CSMD2: variants seen among roughly 807,000 people sequenced by gnomAD.
CSMD2 encodes CUB and sushi domain-containing protein 2.
Under a neutral mutation model 398.5 loss-of-function variants are expected in CSMD2, and 130 were observed. The observed-to-expected ratio is 0.33, with a 90% CI of 0.28 to 0.38. The LOEUF is 0.38. Ranked by LOEUF, CSMD2 falls within the 10% of genes least tolerant of loss-of-function variation. CSMD2 has a pLI of 1.00. For missense variants in CSMD2, 3,829 were observed against 4,764.9 expected (o/e 0.80, Z 5.78); for synonymous variants, 1,828 against 1,908.5 (o/e 0.96, Z 1.10).
At chr1:34,103,361 C>A (rs1006073632) in intron 1 of CSMD2, among the ~76,000 whole-genome samples, 1 of 137,670 alleles carries the variant, frequency 7.3e-6, no homozygotes, top group Admixed American at 8.1e-5. Flanking sequence ...TGCAGTGGTG[C>A]GATCTCGGCT....
chr1:33,974,882 A>G (rs1645903405), intron 3 of CSMD2, among the ~76,000 whole-genome samples: 1 of 152,242 alleles, frequency 6.6e-6, no homozygotes, highest in African/African-American at 2.4e-5. Context: ...GAGCAAACTC[A>G]GATGACTGCA....
chr1:33,711,710 A>T (rs1291682860), intron 21 of CSMD2, among the ~76,000 whole-genome samples: 1 of 152,078 alleles, frequency 6.6e-6, no homozygotes, highest in East Asian at 1.9e-4. Context: ...TCCCTTAAAC[A>T]TGGGCTTGGG....
rs371582204 is a variant in CSMD2 at position 34,066,923 on chromosome 1, T to C, written c.404+22054A>G. Reference sequence around the variant, plus strand: ...TCAAATTAGAAACATCACAAATTCCTGGAAATGATAGTGAAGCAATTCTGC... The same window carrying C: ...TCAAATTAGAAACATCACAAATTCCCGGAAATGATAGTGAAGCAATTCTGC... On this transcript the variant is annotated intron_variant, in intron 2 of 70. Coordinates refer to ENST00000373381, the MANE Select transcript of CSMD2 (RefSeq NM_001281956.2). 3.9e-5 allele frequency among the ~76,000 whole-genome samples: 6 copies of C among 152,258 alleles called. No individual in the cohort carries two copies. In the East Asian group the frequency reaches 1.2e-3, roughly 29 times the overall value.
intron 5 of CSMD2, among the ~76,000 whole-genome samples, chr1:33,887,312 A>G (rs1641668204): frequency 6.6e-6 from 1 of 152,180 alleles, no homozygotes; most frequent in Non-Finnish European, 1.5e-5. Flanking sequence ...ACAACGAGGA[A>G]CAGCCTAAAT....
intron 53 of CSMD2, among the ~76,000 whole-genome samples, chr1:33,562,105 G>C (rs1375404362): frequency 6.6e-6 from 1 of 152,110 alleles, no homozygotes; most frequent in Non-Finnish European, 1.5e-5. Context: ...ACAGAGCCAA[G>C]AGCCTCAAGA....
intron 5 of CSMD2, among the ~76,000 whole-genome samples, chr1:33,900,382 A>G (rs540265573): frequency 1.3e-5 from 2 of 152,260 alleles, no homozygotes; most frequent in East Asian, 3.9e-4. Context: ...GTAGATCAGG[A>G]TTTAGAGTCC....
chr1:33,885,564 GCACCA>G (rs1293289546), intron 5 of CSMD2: 1 of 152,202 alleles, frequency 6.6e-6, no homozygotes, highest in African/African-American at 2.4e-5. Flanking sequence ...CCAAGCATGG[GCACCA>G]CATGAGGAAG....
chr1:33,562,197 T>C (rs578185610), intron 53 of CSMD2, among the ~76,000 whole-genome samples: 4 of 140,264 alleles, frequency 2.9e-5, no homozygotes, highest in African/African-American at 1.0e-4. Flanking sequence ...CACTGGTGAC[T>C]TGCAAGTGTC....
intron 5 of CSMD2, among the ~76,000 whole-genome samples, chr1:33,878,839 G>A (rs1277980586): frequency 6.6e-6 from 1 of 152,222 alleles, no homozygotes; most frequent in East Asian, 1.9e-4. Context: ...CAGCCCTGGG[G>A]AGGGGGACAG....
rs914046284 is a variant in CSMD2, at chr1:34,161,543, T to C, written c.187+3368A>G. 7.9e-5 allele frequency among the ~76,000 whole-genome samples: 12 copies of C among 152,120 alleles called. 1 individual carries two copies. Among genetic ancestry groups the C allele is most frequent in the Non-Finnish European group, 1.6e-4 (11 of 68,020 alleles). On this transcript the variant is annotated intron_variant, in intron 1 of 70. Coordinates refer to ENST00000373381, the MANE Select transcript of CSMD2 (RefSeq NM_001281956.2). Reference sequence around the variant, plus strand: ...TAGGAGAAAAATCAGTAAAACATAGTGTCCCAGAAGCCCAAGGAAGAGAAA... The same window carrying C: ...TAGGAGAAAAATCAGTAAAACATAGCGTCCCAGAAGCCCAAGGAAGAGAAA...
At chr1:33,724,351 G>T in intron 18 of CSMD2, 38 bp from the exon 19 acceptor site, 1 of 1,551,760 alleles carries the variant, frequency 6.4e-7, no homozygotes, top group Non-Finnish European at 8.9e-7. Context: ...AAGACCAGAG[G>T]GCCTCAGGGA....
At chr1:34,148,304 A>G (rs139429202) in intron 1 of CSMD2, among the ~76,000 whole-genome samples, 1 of 152,350 alleles carries the variant, frequency 6.6e-6, no homozygotes, top group East Asian at 1.9e-4. Flanking sequence ...ACACAGAGCA[A>G]CTATCTCATT....
intron 2 of CSMD2, among the ~76,000 whole-genome samples, chr1:34,045,077 A>C (rs796899739): frequency 4.9e-4 from 72 of 145,768 alleles, no homozygotes; most frequent in African/African-American, 1.1e-3. Flanking sequence ...ACACACACAC[A>C]CCCCTACAAA....
At chr1:33,703,176 C>T (rs1645667138) in intron 22 of CSMD2, among the ~76,000 whole-genome samples, 1 of 152,144 alleles carries the variant, frequency 6.6e-6, no homozygotes, top group African/African-American at 2.4e-5. Flanking sequence ...CAGATGTACT[C>T]TTCTAAACTC....
intron 4 of CSMD2, among the ~76,000 whole-genome samples, chr1:33,920,346 T>A (rs1288419243): frequency 1.4e-5 from 2 of 143,818 alleles, no homozygotes; most frequent in Non-Finnish European, 3.0e-5. Context: ...TTGGCCAACA[T>A]GATGAAACCC....
At chr1:33,574,326 G>A (rs373846658) in intron 49 of CSMD2, among the ~76,000 whole-genome samples, 19 of 152,296 alleles carry the variant, frequency 1.2e-4, no homozygotes, top group South Asian at 4.1e-4. Flanking sequence ...ATAAGGAGTA[G>A]GGTCGACATT....
intron 5 of CSMD2, 136 bp downstream of exon 5, chr1:33,917,957 AG>A (rs1643809890): frequency 1.5e-6 from 1 of 649,924 alleles, no homozygotes; most frequent in Non-Finnish European, 2.6e-6. Context: ...ATGAGATGAA[AG>A]GACTCTAACA....
At chr1:33,912,611 G>A (rs1195438483) in intron 5 of CSMD2, among the ~76,000 whole-genome samples, 1 of 152,020 alleles carries the variant, frequency 6.6e-6, no homozygotes. Flanking sequence ...GAGCGAGGGG[G>A]CACAAGCAGA....
chr1:34,094,087 G>A (rs1400371230), intron 1 of CSMD2, among the ~76,000 whole-genome samples: 1 of 152,146 alleles, frequency 6.6e-6, no homozygotes, highest in East Asian at 1.9e-4. Flanking sequence ...AGCCAGAAGA[G>A]AGTGGGGGCC....
Sources: allele counts gnomAD v4.1 joint callset (sites outside exome capture counted in the v4.1 genomes callset), GRCh38; gene constraint gnomAD v4.1.1; transcripts MANE v1.5; gene names NCBI Gene and HGNC (gene_info 2026-07-23, HGNC 2026-07-21).